Variants in PCLO observed in about 807,000 individuals in gnomAD.
PCLO encodes the protein piccolo presynaptic cytomatrix protein, also known as protein piccolo.
PCLO carries 82 observed loss-of-function variants against 427.5 expected under a neutral mutation model. The ratio of observed to expected loss-of-function variants is 0.19; its 90% CI spans 0.16 to 0.23. The LOEUF is 0.23. Among genes scored for constraint, PCLO ranks in the 10% least tolerant of loss-of-function variants. The pLI is 1.00. For missense variants in PCLO, 6,239 were observed against 6,115.9 expected (o/e 1.02, Z -0.67); for synonymous variants, 2,357 against 2,155.4 (o/e 1.09, Z -2.59).
chr7:82,955,321 T>A lies in PCLO; in HGVS notation c.5632A>T (p.Ile1878Leu). 1 of 1,613,592 alleles carries A rather than the reference T, an allele frequency of 6.2e-7. No homozygotes were observed. Among genetic ancestry groups the A allele is most frequent in the Non-Finnish European group, 8.5e-7 (1 of 1,179,748 alleles). ...EGFEISPEKI[I>L]EVQKVYKLPT... is the part of the protein sequence containing the mutation. Reference sequence around the variant, plus strand: ...AATTTATAAACTTTTTGTACTTCTATTATTTTTTCCGGGCTTATTTCAAAA... The same window carrying A: ...AATTTATAAACTTTTTGTACTTCTAATATTTTTTCCGGGCTTATTTCAAAA... The change falls in exon 5 of 25, where the codon ATA becomes TTA. Residue 1878 changes from isoleucine to leucine, a missense_variant. Ile to Leu is a conservative substitution (Grantham distance 5, BLOSUM62 2). Coordinates refer to ENST00000333891, the MANE Select transcript of PCLO (RefSeq NM_033026.6).
chr7:83,121,464 A>G (rs1791277452), intron 3 of PCLO, among the ~76,000 whole-genome samples: 1 of 152,092 alleles, frequency 6.6e-6, no homozygotes, highest in African/African-American at 2.4e-5. Context: ...AAAAGAAAGA[A>G]GAGAAAACCA....
intron 3 of PCLO, among the ~76,000 whole-genome samples, chr7:83,055,812 A>T (rs1789364727): frequency 6.6e-6 from 1 of 152,182 alleles, no homozygotes; most frequent in Admixed American, 6.5e-5. Flanking sequence ...AATCCAAGTC[A>T]TTAAATATTT....
chr7:82,955,011 T>G lies in PCLO; in HGVS notation c.5942A>C (p.Asn1981Thr). Residue 1981 changes from asparagine to threonine, a missense_variant, in exon 5 of 25, where the codon AAT becomes ACT. By Grantham distance (65) the Asn-to-Thr change is moderately conservative. Around this residue, in one of 5 missense-constraint regions of PCLO, gnomAD observed 4,677 missense variants for 4,468.4 expected, o/e 1.05. Transcript: ENST00000333891. Reference protein sequence around the residue: ...GSLLTRQEEENGFMQQKGREQ... With the variant: ...GSLLTRQEEETGFMQQKGREQ... ...TCTTCCTTTCTGCTGCATAAATCCA[T>G]TTTCTTCTTCTTGCCTTGTTAGCAG... The G allele has an allele frequency of 6.2e-7, 1 of 1,613,806 alleles. No homozygotes were observed. Among genetic ancestry groups the G allele is most frequent in the Non-Finnish European group, 8.5e-7 (1 of 1,179,852 alleles).
rs1055435384 is a variant in PCLO at position 83,135,519 on chromosome 7, T to C, written c.2031A>G (p.Pro677=). Residue 677 remains proline (P), a synonymous_variant, in exon 3 of 25, where the codon CCA becomes CCG. Transcript: ENST00000333891. The part of the protein sequence containing the change: ...TTTSAVSKSS[P]QPQQTSPKKD... The stretch of plus-strand genomic sequence containing the variant: ...TCTTTGGGGAAGTCTGCTGTGGCTG[T>C]GGGGATGATTTGCTCACTGCTGATG... The C allele has an allele frequency of 6.2e-7, 1 of 1,613,588 alleles. No individual in the cohort carries two copies. The highest frequency in any genetic ancestry group is 1.3e-5 in the African/African-American group (1 of 74,822).
intron 3 of PCLO, among the ~76,000 whole-genome samples, chr7:83,105,304 C>T (rs900178071): frequency 8.5e-5 from 13 of 152,288 alleles, no homozygotes; most frequent in African/African-American, 3.1e-4. Context: ...ATTTTCATGG[C>T]ATTAGCCACA....
intron 1 of PCLO, among the ~76,000 whole-genome samples, chr7:83,158,649 A>C (rs1222468325): frequency 6.6e-6 from 1 of 152,068 alleles, no homozygotes; most frequent in East Asian, 1.9e-4. Context: ...AATAAACTTC[A>C]TGAATGTCAA....
chr7:82,822,694 T>G lies in PCLO; in HGVS notation c.14597-5A>C. Reference sequence around the variant, plus strand: ...CAATGGTGGGAACCTGCATGTCTGGTCACAAAAGGGTAAAACATGAGTTAA... The same window carrying G: ...CAATGGTGGGAACCTGCATGTCTGGGCACAAAAGGGTAAAACATGAGTTAA... On this transcript the variant is annotated splice_polypyrimidine_tract_variant and splice_region_variant and intron_variant, in intron 19 of 24. Coordinates refer to ENST00000333891, the MANE Select transcript of PCLO (RefSeq NM_033026.6). 1 of 1,611,720 alleles carries G rather than the reference T, an allele frequency of 6.2e-7. No homozygotes were observed. Among genetic ancestry groups the G allele is most frequent in the Non-Finnish European group, 8.5e-7 (1 of 1,179,170 alleles).
chr7:82,927,415 C>T (rs371923218), intron 6 of PCLO, among the ~76,000 whole-genome samples: 13 of 152,216 alleles, frequency 8.5e-5, no homozygotes, highest in African/African-American at 1.7e-4. Flanking sequence ...TGTATGCATT[C>T]GTGTTTTTGA....
At chr7:82,773,837 C>T (rs776184934) in intron 22 of PCLO, among the ~76,000 whole-genome samples, 37 of 152,040 alleles carry the variant, frequency 2.4e-4, no homozygotes, top group Non-Finnish European at 5.3e-4. Context: ...CTTCTGACTT[C>T]CAGGGTTTCA....
intron 3 of PCLO, among the ~76,000 whole-genome samples, chr7:83,038,025 ATATATTTATATATTTATATATATATC>A (rs1788853637): frequency 6.1e-5 from 3 of 49,096 alleles, no homozygotes; most frequent in African/African-American, 4.6e-4. Flanking sequence ...ATATATATAT[ATATATTTATATATTTATATATATATC>A]TTTATATATA....
chr7:83,135,620 T>G lies in PCLO; in HGVS notation c.1930A>C (p.Arg644=). ...GGAGCCAGATCCCCGCCTAGAGCTC[T>G]TTTCATTTGACAGTTCAAACAGAGC... ...EWLCLNCQMK[R]ALGGDLAPVP... is the part of the protein sequence containing the mutation. The change falls in exon 3 of 25, where the codon AGA becomes CGA. Residue 644 remains arginine, a synonymous_variant. Transcript: ENST00000333891. The G allele has an allele frequency of 6.2e-7, 1 of 1,609,478 alleles. No individual in the cohort carries two copies. Among genetic ancestry groups the G allele is most frequent in the Non-Finnish European group, 8.5e-7 (1 of 1,177,614 alleles).
In PCLO at chr7:82,825,990, G is replaced by A. The variant is rs538793688; in HGVS notation, c.14415+599C>T. Among the ~76,000 whole-genome samples the A allele has an allele frequency of 4.7e-5, 7 of 149,918 alleles. No homozygotes were observed. In the East Asian group the frequency reaches 1.2e-3, roughly 25 times the overall value. On this transcript the variant is annotated intron_variant, in intron 18 of 24. Transcript: ENST00000333891. Reference sequence around the variant, plus strand: ...ATTAAAAATCACAAGATCTGTTCATGCTACCAATTTCATGATTATTTGTTT... The same window carrying A: ...ATTAAAAATCACAAGATCTGTTCATACTACCAATTTCATGATTATTTGTTT...
At chr7:83,101,674 A>G (rs972875367) in intron 3 of PCLO, among the ~76,000 whole-genome samples, 1 of 152,180 alleles carries the variant, frequency 6.6e-6, no homozygotes, top group Non-Finnish European at 1.5e-5. Context: ...TGGCACAAGA[A>G]ACTGTGACAT....
intron 8 of PCLO, among the ~76,000 whole-genome samples, chr7:82,903,060 C>T (rs1043089423): frequency 5.9e-5 from 9 of 151,892 alleles, no homozygotes; most frequent in African/African-American, 2.2e-4. Flanking sequence ...TATTGGTGAC[C>T]TCGGATATAG....
At chr7:82,974,849 G>T (rs1049164916) in intron 3 of PCLO, among the ~76,000 whole-genome samples, 9 of 151,990 alleles carry the variant, frequency 5.9e-5, no homozygotes, top group African/African-American at 2.2e-4. Context: ...TGCAATCTGG[G>T]CTCATTGCAA....
At chr7:82,821,919 C>G in intron 20 of PCLO, 1 of 985,610 alleles carries the variant, frequency 1.0e-6, no homozygotes, top group Non-Finnish European at 1.2e-6. Flanking sequence ...ACATGGAAAG[C>G]TACCATATTT....
intron 3 of PCLO, among the ~76,000 whole-genome samples, chr7:83,108,804 A>G (rs1311383156): frequency 6.6e-6 from 1 of 152,052 alleles, no homozygotes; most frequent in Non-Finnish European, 1.5e-5. Flanking sequence ...TTATCATTCT[A>G]ATGGTAATAG....
chr7:83,150,001 A>C (rs1792089038), intron 2 of PCLO, among the ~76,000 whole-genome samples: 1 of 152,218 alleles, frequency 6.6e-6, no homozygotes, highest in Admixed American at 6.5e-5. Flanking sequence ...CTAAAAAAAA[A>C]ATGGCGAGAA....
chr7:83,004,254 A>G (rs1158952378), intron 3 of PCLO, among the ~76,000 whole-genome samples: 1 of 151,826 alleles, frequency 6.6e-6, no homozygotes, highest in African/African-American at 2.4e-5. Flanking sequence ...TTGATTTCAA[A>G]TTATATTGCA....
Sources: allele counts gnomAD v4.1 joint callset (sites outside exome capture counted in the v4.1 genomes callset), GRCh38; gene constraint gnomAD v4.1.1; regional missense constraint gnomAD v4.1.1; transcripts MANE v1.5; gene names NCBI Gene and HGNC (gene_info 2026-07-23, HGNC 2026-07-21).